Variants in SMG6 observed in about 807,000 individuals in gnomAD.
The protein encoded by SMG6 is SMG6 nonsense mediated mRNA decay factor.
A neutral mutation model predicts 142.2 loss-of-function variants in SMG6; 66 were observed. The observed-to-expected ratio is 0.46, with a 90% CI of 0.38 to 0.57. SMG6 has a LOEUF of 0.57. SMG6 is among the 20% of genes least tolerant of loss of function. The pLI, the probability that SMG6 is intolerant of heterozygous loss-of-function variation, is 0.00. For missense variants in SMG6, 1,793 were observed against 1,832.0 expected, an observed-to-expected ratio of 0.98 and a Z score of 0.39; for synonymous variants, 779 against 702.4, an observed-to-expected ratio of 1.11 and a Z score of -1.72.
chr17:2,254,704 G>C (rs757321831), intron 8 of SMG6, among the ~76,000 whole-genome samples: 1 of 152,082 alleles, frequency 6.6e-6, no homozygotes, highest in Non-Finnish European at 1.5e-5. Context: ...CCTCACACAT[G>C]GACCCATACA....
chr17:2,169,235 G>A lies in SMG6; in HGVS notation c.3357+3423C>T, dbSNP rs1019201510. ...GCAGAGGCGGGAGGATTGCTTGTGC[G>A]CAGGAATTTGAGGTGGCAGTGAGTT... On this transcript the variant is annotated intron_variant, in intron 13 of 18. Coordinates refer to ENST00000263073, the MANE Select transcript of SMG6 (RefSeq NM_017575.5). Among the ~76,000 whole-genome samples, 8 of 151,688 alleles carry A rather than the reference G, an allele frequency of 5.3e-5. No individual in the cohort carries two copies. In the East Asian group the frequency reaches 5.9e-4, roughly 11 times the overall value.
chr17:2,138,550 G>A (rs950236204), intron 13 of SMG6, among the ~76,000 whole-genome samples: 7 of 152,116 alleles, frequency 4.6e-5, no homozygotes, highest in Non-Finnish European at 7.4e-5. Context: ...CCAGCTACAG[G>A]AGTAGTAGAC....
At chr17:2,247,003 C>G (rs564855389) in intron 8 of SMG6, among the ~76,000 whole-genome samples, 151 of 152,242 alleles carry the variant, frequency 9.9e-4, no homozygotes, top group African/African-American at 3.5e-3. Context: ...TGAGGAACAG[C>G]TGCAAAATAA....
intron 1 of SMG6, chr17:2,303,269 G>C (rs926174836): frequency 2.0e-5 from 21 of 1,063,006 alleles, no homozygotes; most frequent in Admixed American, 1.6e-4. Context: ...GGGCGGCCTG[G>C]AGAGCGATAC....
At chr17:2,102,867 T>C (rs1259876598) in intron 13 of SMG6, among the ~76,000 whole-genome samples, 1 of 152,180 alleles carries the variant, frequency 6.6e-6, no homozygotes, top group African/African-American at 2.4e-5. Context: ...TTTCAGATTC[T>C]ACATGTAAGT....
At chr17:2,177,190 GT>G (rs1410698832) in intron 12 of SMG6, among the ~76,000 whole-genome samples, 1 of 152,174 alleles carries the variant, frequency 6.6e-6, no homozygotes, top group Non-Finnish European at 1.5e-5. Flanking sequence ...GGGTTTCTGT[GT>G]TCCTAAAATT....
chr17:2,237,550 C>T, intron 9 of SMG6: 1 of 985,498 alleles, frequency 1.0e-6, no homozygotes, highest in Non-Finnish European at 1.2e-6. Context: ...CCTCCTCCCT[C>T]TCACAAGGCT....
chr17:2,160,937 A>G (rs2071157081), intron 13 of SMG6, among the ~76,000 whole-genome samples: 1 of 152,058 alleles, frequency 6.6e-6, no homozygotes, highest in South Asian at 2.1e-4. Context: ...GGTGAGACAA[A>G]AAGTACCAGG....
intron 15 of SMG6, among the ~76,000 whole-genome samples, chr17:2,070,294 G>A (rs2068064934): frequency 6.6e-6 from 1 of 152,208 alleles, no homozygotes; most frequent in Non-Finnish European, 1.5e-5. Context: ...GGGGACCATG[G>A]CCAAGAATCG....
intron 10 of SMG6, among the ~76,000 whole-genome samples, chr17:2,190,376 A>AG (rs1315837457): frequency 2.6e-5 from 4 of 152,284 alleles, no homozygotes; most frequent in African/African-American, 9.6e-5. Flanking sequence ...GAAGGGATGG[A>AG]GGGGGGTGTC....
intron 13 of SMG6, among the ~76,000 whole-genome samples, chr17:2,126,177 A>C (rs992961417): frequency 6.6e-6 from 1 of 152,134 alleles, no homozygotes; most frequent in African/African-American, 2.4e-5. Flanking sequence ...GGGTGTCAAG[A>C]CCAATTCCAA....
intron 10 of SMG6, among the ~76,000 whole-genome samples, chr17:2,191,117 T>G (rs557456209): frequency 1.3e-5 from 2 of 152,190 alleles, no homozygotes; most frequent in African/African-American, 4.8e-5. Context: ...TCTGCAACCG[T>G]AGGACCTTTC....
chr17:2,143,723 T>C (rs2070563449), intron 13 of SMG6, among the ~76,000 whole-genome samples: 2 of 152,266 alleles, frequency 1.3e-5, no homozygotes, highest in Non-Finnish European at 2.9e-5. Context: ...CTTCATGGAA[T>C]GTGAATCATA....
chr17:2,065,635 G>C lies in SMG6; in HGVS notation c.3880C>G (p.His1294Asp). 6.2e-7 allele frequency: 1 copy of C among 1,613,876 alleles called. No individual in the cohort carries two copies. The highest frequency in any genetic ancestry group is 8.5e-7 in the Non-Finnish European group (1 of 1,180,032). The change falls in exon 17 of 19, where the codon CAC (histidine) becomes GAC (aspartate). Residue 1294 changes from histidine to aspartate, a missense_variant. Physicochemically the swap from His to Asp is moderately conservative, Grantham distance 81. Transcript: ENST00000263073. ...DGLAKGQETD[H>D]RAGGYARVVQ... ...ACACGGGCGTAGCCCCCAGCCCGGTGGTCTGTCTCCTGCCCCTTGGCCAGG... is the reference window on the plus strand; with the variant it reads ...ACACGGGCGTAGCCCCCAGCCCGGTCGTCTGTCTCCTGCCCCTTGGCCAGG...
At chr17:2,119,175 A>G (rs1156648270) in intron 13 of SMG6, among the ~76,000 whole-genome samples, 1 of 151,416 alleles carries the variant, frequency 6.6e-6, no homozygotes, top group Non-Finnish European at 1.5e-5. Flanking sequence ...CTCCTGACTC[A>G]GCCTCCCAAA....
chr17:2,241,033 A>G (rs1052507814), intron 9 of SMG6, among the ~76,000 whole-genome samples: 3 of 152,150 alleles, frequency 2.0e-5, no homozygotes, highest in Admixed American at 1.3e-4. Flanking sequence ...CTTCCAGAAT[A>G]AATATGGCGC....
At chr17:2,090,291 C>T (rs765437613) in intron 13 of SMG6, among the ~76,000 whole-genome samples, 6 of 141,552 alleles carry the variant, frequency 4.2e-5, no homozygotes, top group African/African-American at 8.0e-5. Context: ...TAGAGATGCC[C>T]GGCGGGGGAG....
intron 10 of SMG6, among the ~76,000 whole-genome samples, chr17:2,219,375 A>T (rs1176969606): frequency 6.6e-6 from 1 of 151,990 alleles, no homozygotes. Flanking sequence ...GCAGAGCGAG[A>T]CTCTGCCTCA....
Position 2,151,733 on chromosome 17 carries a change from C to T in SMG6, c.3357+20925G>A, listed in dbSNP as rs191663394. On this transcript the variant is annotated intron_variant, in intron 13 of 18. Transcript: ENST00000263073. Reference sequence around the variant, plus strand: ...TTCTCTTGACTTTTATCCAATGGGGCAGGACATTTTCCCTACACCTATGCG... The same window carrying T: ...TTCTCTTGACTTTTATCCAATGGGGTAGGACATTTTCCCTACACCTATGCG... Among the ~76,000 whole-genome samples the T allele has an allele frequency of 2.0e-3, 305 of 152,268 alleles. 2 individuals are homozygous for T. The highest frequency in any genetic ancestry group is 5.1e-3 in the African/African-American group (213 of 41,542).
Sources: gnomAD v4.1 joint callset for allele counts (sites outside exome capture counted in the v4.1 genomes callset) on GRCh38, gnomAD v4.1.1 for gene constraint, MANE v1.5 for transcripts, NCBI Gene and HGNC (gene_info 2026-07-23, HGNC 2026-07-21) for gene names.